THADA: variants seen among roughly 807,000 people sequenced by gnomAD.
THADA encodes THADA armadillo repeat containing.
A neutral mutation model predicts 219.8 loss-of-function variants in THADA; 213 were observed. That is an observed-to-expected ratio of 0.97 (90% CI 0.87 to 1.09). The LOEUF is 1.09. THADA is among the 50% of genes least tolerant of loss of function. The pLI, the probability that THADA is intolerant of heterozygous loss-of-function variation, is 0.00. For synonymous variants in THADA, 1,018 were observed against 828.9 expected (o/e 1.23, Z -3.92); for missense variants, 2,956 against 2,311.3 (o/e 1.28, Z -5.72).
chr2:43,573,171 TG>T (rs1699487981), intron 11 of THADA, among the ~76,000 whole-genome samples, 179 bp from the exon 12 acceptor site: 1 of 152,260 alleles, frequency 6.6e-6, no homozygotes, highest in Non-Finnish European at 1.5e-5. Flanking sequence ...TAATATGATT[TG>T]CCCTTTTGTC....
At position 43,293,045 on chromosome 2, in the gene THADA, T is replaced by G; in HGVS notation, c.4607A>C (p.Glu1536Ala). The G allele has an allele frequency of 6.2e-7, 1 of 1,613,928 alleles. No individual in the cohort carries two copies. Among genetic ancestry groups the G allele is most frequent in the Middle Eastern group, 1.6e-4 (1 of 6,062 alleles). The change falls in exon 32 of 38, where the codon GAG becomes GCG. Residue 1536 changes from glutamate to alanine, a missense_variant. By Grantham distance (107) the Glu-to-Ala change is moderately radical. Transcript: ENST00000405975. ...AGAGATGGGGACATTCGTCTCCCGC[T>G]CTCCACTCTTGGCTGCCGCGGCCCA... ...AVWAAAAKSG[E>A]RETNVPISFS...
At chr2:43,248,072 T>C (rs1418339708) in intron 36 of THADA, among the ~76,000 whole-genome samples, 4 of 143,940 alleles carry the variant, frequency 2.8e-5, no homozygotes, top group African/African-American at 1.0e-4. Context: ...AAAAAAAAAG[T>C]TGATATTTAA....
chr2:43,349,901 A>C (rs1668055925), intron 29 of THADA, among the ~76,000 whole-genome samples: 1 of 152,130 alleles, frequency 6.6e-6, no homozygotes, highest in African/African-American at 2.4e-5. Context: ...CCAAGTATAA[A>C]ATTTCTGTAT....
At chr2:43,439,053 G>C (rs921621177) in intron 26 of THADA, among the ~76,000 whole-genome samples, 2 of 152,134 alleles carry the variant, frequency 1.3e-5, no homozygotes, top group Non-Finnish European at 2.9e-5. Flanking sequence ...CTTATGAACT[G>C]TCTCTTTCTG....
chr2:43,497,735 A>T (rs1208848064), intron 25 of THADA, among the ~76,000 whole-genome samples: 2 of 152,086 alleles, frequency 1.3e-5, no homozygotes, highest in Non-Finnish European at 2.9e-5. Flanking sequence ...AAATACAAAA[A>T]TTAGCTGGGT....
At position 43,450,974 on chromosome 2, in the gene THADA, T is replaced by C. The variant is rs1048644599; in HGVS notation, c.3837-20672A>G. Among the ~76,000 whole-genome samples the C allele has an allele frequency of 5.3e-5, 8 of 152,088 alleles. No individual in the cohort carries two copies. In the East Asian group the frequency reaches 1.4e-3, roughly 26 times the overall value. ...AGGGGAATGAAGAGTTATTAAGGAGTATAGAGTTTCAGTTTTGCAAAATAA... is the reference window on the plus strand; with the variant it reads ...AGGGGAATGAAGAGTTATTAAGGAGCATAGAGTTTCAGTTTTGCAAAATAA... On this transcript the variant is annotated intron_variant, in intron 26 of 37. Coordinates refer to ENST00000405975, the MANE Select transcript of THADA (RefSeq NM_022065.5).
intron 22 of THADA, among the ~76,000 whole-genome samples, chr2:43,519,641 C>A (rs746995822): frequency 2.6e-5 from 4 of 152,174 alleles, no homozygotes; most frequent in Admixed American, 6.5e-5. Context: ...GTAACTGTGG[C>A]CTACCATATC....
chr2:43,592,223 A>T, intron 2 of THADA, 94 bp downstream of exon 2: 1 of 1,070,704 alleles, frequency 9.3e-7, no homozygotes, highest in Non-Finnish European at 1.3e-6. Context: ...AAATATAAAG[A>T]ATTTGAATAT....
At chr2:43,515,165 A>AATATATAATATATT (rs1691363408) in intron 22 of THADA, among the ~76,000 whole-genome samples, 1 of 2,498 alleles carries the variant, frequency 4.0e-4, no homozygotes, top group South Asian at 9.3e-3. Context: ...TATTATATAT[A>AATATATAATATATT]ATATATTATA....
chr2:43,350,871 G>C (rs973411640), intron 29 of THADA, among the ~76,000 whole-genome samples: 1 of 152,178 alleles, frequency 6.6e-6, no homozygotes, highest in East Asian at 1.9e-4. Context: ...ACTGTGTTGT[G>C]TGTTGCTGCC....
chr2:43,305,224 C>T (rs1004791423), intron 31 of THADA, among the ~76,000 whole-genome samples: 1 of 151,914 alleles, frequency 6.6e-6, no homozygotes, highest in Admixed American at 6.6e-5. Flanking sequence ...ACAATAACAA[C>T]AGAATAAACT....
At chr2:43,578,255 A>G (rs1169191563) in intron 9 of THADA, among the ~76,000 whole-genome samples, 2 of 150,292 alleles carry the variant, frequency 1.3e-5, no homozygotes, top group Admixed American at 6.7e-5. Flanking sequence ...CGATCCTCCT[A>G]CCTCAACCTC....
chr2:43,378,188 T>C (rs747864200), intron 29 of THADA, among the ~76,000 whole-genome samples: 6 of 152,172 alleles, frequency 3.9e-5, no homozygotes, highest in Non-Finnish European at 8.8e-5. Context: ...AAGAGACACC[T>C]TCATTGAAGT....
chr2:43,350,514 G>C (rs958260560), intron 29 of THADA, among the ~76,000 whole-genome samples: 2 of 152,214 alleles, frequency 1.3e-5, no homozygotes, highest in Admixed American at 1.3e-4. Flanking sequence ...TAGGCCGTAG[G>C]CCTCTCAGGA....
intron 23 of THADA, 114 bp from the exon 24 acceptor site, chr2:43,505,849 T>C: frequency 1.3e-6 from 1 of 747,534 alleles, no homozygotes; most frequent in Non-Finnish European, 2.2e-6. Context: ...CATGTGGTTA[T>C]CAAAGAAAGT....
intron 29 of THADA, among the ~76,000 whole-genome samples, chr2:43,358,057 C>T (rs749183969): frequency 5.9e-5 from 9 of 151,962 alleles, no homozygotes; most frequent in Non-Finnish European, 8.8e-5. Context: ...TATTATTAAC[C>T]AGACTGCATA....
intron 29 of THADA, among the ~76,000 whole-genome samples, chr2:43,346,373 G>A (rs1667628724): frequency 6.6e-6 from 1 of 152,168 alleles, no homozygotes; most frequent in South Asian, 2.1e-4. Context: ...CAGGCCCTTT[G>A]AAACTAAGAT....
rs70963389 is a variant in THADA, at chr2:43,248,164, TAGAGAGAGAGAGAGAGAGAG to T, written c.5297-15302_5297-15283del. Among the ~76,000 whole-genome samples, 193 of 40,852 alleles carry T rather than the reference TAGAGAGAGAGAGAGAGAGAG, an allele frequency of 4.7e-3. 1 individual carries two copies. Among genetic ancestry groups the T allele is most frequent in the Middle Eastern group, 0.013 (1 of 78 alleles). The allele number at this position is 40,852 out of a possible 152,430, so 26.8% of individuals were successfully genotyped here. On this transcript the variant is annotated intron_variant, in intron 36 of 37. Transcript: ENST00000405975. ...ATATATATATATATATATATATATA[TAGAGAGAGAGAGAGAGAGAG>T]AGAGAGAGAGAGAGAGAGAGAGAGA...
chr2:43,592,645 C>T (rs1483851221), intron 1 of THADA, among the ~76,000 whole-genome samples: 1 of 152,110 alleles, frequency 6.6e-6, no homozygotes, highest in Admixed American at 6.5e-5. Context: ...AAAACTGCTC[C>T]AGAATGAGAA....
Sources: gnomAD v4.1 joint callset for allele counts (sites outside exome capture counted in the v4.1 genomes callset) on GRCh38, gnomAD v4.1.1 for gene constraint, MANE v1.5 for transcripts, NCBI Gene and HGNC (gene_info 2026-07-23, HGNC 2026-07-21) for gene names.